The following ZNRF1 variants were observed in gnomAD, a reference collection of about 807,000 sequenced individuals.
ZNRF1 encodes zinc and ring finger 1, also known as E3 ubiquitin-protein ligase ZNRF1.
A neutral mutation model predicts 18.4 loss-of-function variants in ZNRF1; 3 were observed. That is an observed-to-expected ratio of 0.16 (90% CI 0.07 to 0.42). The LOEUF is 0.42. Ranked by LOEUF, ZNRF1 falls within the 10% of genes least tolerant of loss-of-function variation. ZNRF1 has a pLI of 0.99. For missense variants in ZNRF1, 310 were observed against 329.8 expected (o/e 0.94, Z 0.47); for synonymous variants, 157 against 144.2 (o/e 1.09, Z -0.64).
intron 1 of ZNRF1, among the ~76,000 whole-genome samples, chr16:75,092,858 C>A (rs1016281059): frequency 1.3e-5 from 2 of 152,184 alleles, no homozygotes; most frequent in Non-Finnish European, 2.9e-5. Context: ...GTGATCCAAC[C>A]AAGTGGCTGA....
chr16:75,000,017 C>A lies in ZNRF1; in HGVS notation c.346C>A (p.Leu116Met). Residue 116 changes from leucine (L) to methionine (M), a missense_variant, in exon 1 of 5, where the codon CTG becomes ATG. Physicochemically the swap from Leu to Met is conservative, Grantham distance 15 (BLOSUM62 2). Around this residue, in one of 2 missense-constraint regions of ZNRF1, gnomAD observed 293 missense variants for 291.2 expected, o/e 1.01. Transcript: ENST00000335325. ...CGGCGGTCACCATAGAGACGGGATG[C>A]TGTACCTGGGCTCCCGAGCCTCGCT... The part of the protein sequence containing the change: ...TGGGHHRDGM[L>M]YLGSRASLAD... The A allele has an allele frequency of 6.3e-7, 1 of 1,593,272 alleles. No individual in the cohort carries two copies. Among genetic ancestry groups the A allele is most frequent in the South Asian group, 1.1e-5 (1 of 87,376 alleles).
intron 1 of ZNRF1, among the ~76,000 whole-genome samples, chr16:75,018,837 CAT>C (rs1347775309): frequency 6.6e-6 from 1 of 152,014 alleles, no homozygotes; most frequent in Non-Finnish European, 1.5e-5. Flanking sequence ...AAATTTCACT[CAT>C]AATTTTGTTA....
intron 1 of ZNRF1, among the ~76,000 whole-genome samples, chr16:75,088,173 T>C (rs890747003): frequency 1.3e-5 from 2 of 152,214 alleles, no homozygotes; most frequent in African/African-American, 4.8e-5. Flanking sequence ...TATCACAGGA[T>C]TTATCATTCT....
chr16:75,062,707 T>C (rs1201006811), intron 1 of ZNRF1, among the ~76,000 whole-genome samples: 2 of 152,192 alleles, frequency 1.3e-5, no homozygotes, highest in Non-Finnish European at 2.9e-5. Flanking sequence ...GAGGCTCATA[T>C]GGGGTGGGGC....
At chr16:75,083,691 T>C (rs567704529) in intron 1 of ZNRF1, among the ~76,000 whole-genome samples, 1 of 152,282 alleles carries the variant, frequency 6.6e-6, no homozygotes, top group Non-Finnish European at 1.5e-5. Context: ...TCCTAACTCC[T>C]TGACTTCCAA....
chr16:75,072,264 G>T (rs1187183724), intron 1 of ZNRF1, among the ~76,000 whole-genome samples: 3 of 152,110 alleles, frequency 2.0e-5, no homozygotes, highest in Non-Finnish European at 4.4e-5. Flanking sequence ...GAGCCACCAT[G>T]CCTGGCCTGC....
intron 1 of ZNRF1, among the ~76,000 whole-genome samples, chr16:75,077,486 C>T (rs561767914): frequency 9.2e-5 from 14 of 152,116 alleles, no homozygotes; most frequent in African/African-American, 1.4e-4. Flanking sequence ...GAGCCAAGAC[C>T]GCACCACTGC....
intron 1 of ZNRF1, among the ~76,000 whole-genome samples, chr16:75,074,351 G>T (rs370821451): frequency 1.3e-3 from 193 of 152,332 alleles, no homozygotes; most frequent in African/African-American, 4.4e-3. Context: ...AGCCTACTGG[G>T]TGACCCTTCC....
At chr16:75,018,815 A>G (rs997461827) in intron 1 of ZNRF1, among the ~76,000 whole-genome samples, 2 of 150,434 alleles carry the variant, frequency 1.3e-5, no homozygotes, top group African/African-American at 5.0e-5. Flanking sequence ...GGATTTTTGC[A>G]CATATGTCAT....
At chr16:75,005,274 C>A (rs554528311) in intron 1 of ZNRF1, among the ~76,000 whole-genome samples, 1 of 152,154 alleles carries the variant, frequency 6.6e-6, no homozygotes, top group African/African-American at 2.4e-5. Context: ...AAAGTTACCC[C>A]GAGGCAAAGA....
chr16:75,030,344 C>A (rs2035285878), intron 1 of ZNRF1, among the ~76,000 whole-genome samples: 1 of 151,990 alleles, frequency 6.6e-6, no homozygotes, highest in African/African-American at 2.4e-5. Flanking sequence ...GGTTTGGACC[C>A]CTACCTCACA....
intron 1 of ZNRF1, among the ~76,000 whole-genome samples, chr16:75,063,641 A>T (rs774815691): frequency 2.1e-4 from 32 of 152,324 alleles, no homozygotes; most frequent in Non-Finnish European, 2.4e-4. Context: ...TAGTTTCTAG[A>T]GTGAATGATG....
chr16:75,023,706 CAA>C (rs543649185), intron 1 of ZNRF1, among the ~76,000 whole-genome samples: 1 of 140,460 alleles, frequency 7.1e-6, no homozygotes, highest in Admixed American at 7.2e-5. Context: ...ACAAAAAAAA[CAA>C]AAAAAAAGGT....
intron 1 of ZNRF1, among the ~76,000 whole-genome samples, chr16:75,007,526 A>T (rs1294705273): frequency 6.6e-6 from 1 of 152,158 alleles, no homozygotes; most frequent in Non-Finnish European, 1.5e-5. Context: ...GGGAGGCATG[A>T]TAAGAATTTA....
chr16:75,024,187 C>T (rs1397644323), intron 1 of ZNRF1, among the ~76,000 whole-genome samples: 6 of 152,124 alleles, frequency 3.9e-5, no homozygotes, highest in Non-Finnish European at 7.3e-5. Context: ...CTTCTTAACA[C>T]AGTACTCCAA....
chr16:75,106,034 G>A (rs974398617), intron 3 of ZNRF1: 1 of 162,426 alleles, frequency 6.2e-6, no homozygotes, highest in Non-Finnish European at 1.4e-5. Context: ...CCAGGAAGGA[G>A]CTCTTTCAGG....
intron 1 of ZNRF1, among the ~76,000 whole-genome samples, chr16:75,048,120 T>G (rs1453673005): frequency 6.6e-6 from 1 of 152,034 alleles, no homozygotes; most frequent in Non-Finnish European, 1.5e-5. Context: ...CTGGCTGATT[T>G]TTGTATTTTC....
intron 1 of ZNRF1, among the ~76,000 whole-genome samples, chr16:75,045,003 T>A (rs898484362): frequency 6.6e-6 from 1 of 152,188 alleles, no homozygotes; most frequent in African/African-American, 2.4e-5. Flanking sequence ...AATTATTGTG[T>A]TAGCTGCTGC....
chr16:75,063,471 G>A (rs1037180713), intron 1 of ZNRF1, among the ~76,000 whole-genome samples: 1 of 152,138 alleles, frequency 6.6e-6, no homozygotes, highest in Non-Finnish European at 1.5e-5. Flanking sequence ...TTGGCATCCA[G>A]GGTGCTGCAT....
Sources: gnomAD v4.1 joint callset for allele counts (sites outside exome capture counted in the v4.1 genomes callset) on GRCh38, gnomAD v4.1.1 for gene constraint, gnomAD v4.1.1 regional missense constraint, MANE v1.5 for transcripts, NCBI Gene and HGNC (gene_info 2026-07-23, HGNC 2026-07-21) for gene names.